SCMH1: variants seen among roughly 807,000 people sequenced by gnomAD.
SCMH1 encodes the protein Scm polycomb group protein homolog 1.
SCMH1 carries 37 observed loss-of-function variants against 70.8 expected under a neutral mutation model. The observed-to-expected ratio is 0.52, with a 90% CI of 0.40 to 0.69. SCMH1 has a LOEUF of 0.69. Ranked by LOEUF, SCMH1 falls within the 30% of genes least tolerant of loss-of-function variation. SCMH1 has a pLI of 0.00. For missense variants in SCMH1, 607 were observed against 827.3 expected (o/e 0.73, Z 3.27); for synonymous variants, 292 against 307.4 (o/e 0.95, Z 0.52).
At chr1:41,214,985 T>G (rs1657796628) in intron 1 of SCMH1, among the ~76,000 whole-genome samples, 1 of 152,190 alleles carries the variant, frequency 6.6e-6, no homozygotes, top group Non-Finnish European at 1.5e-5. Flanking sequence ...AAACAGAATT[T>G]GAAATATAAC....
At chr1:41,230,790 A>T (rs1661153370) in intron 1 of SCMH1, among the ~76,000 whole-genome samples, 1 of 152,186 alleles carries the variant, frequency 6.6e-6, no homozygotes, top group Admixed American at 6.5e-5. Flanking sequence ...CTTTTAGAAA[A>T]TATTAATTCC....
intron 5 of SCMH1, among the ~76,000 whole-genome samples, chr1:41,143,659 AAACC>A: frequency 6.6e-6 from 1 of 152,226 alleles, no homozygotes; most frequent in South Asian, 2.1e-4. Context: ...TACACCATAT[AAACC>A]TGTGAAAGTA....
exon 15 of SCMH1, chr1:41,027,918 C>T: frequency 2.3e-6 from 1 of 427,118 alleles, no homozygotes. Context: ...GGTGAGAGGC[C>T]AGCCAGGGTT....
chr1:41,132,741 G>A (rs1369069575), intron 6 of SCMH1, among the ~76,000 whole-genome samples: 1 of 151,994 alleles, frequency 6.6e-6, no homozygotes, highest in Non-Finnish European at 1.5e-5. Flanking sequence ...AAGGAGTCCA[G>A]TTTCAGGTTT....
At chr1:41,177,208 A>G (rs1337086724) in intron 2 of SCMH1, among the ~76,000 whole-genome samples, 1 of 152,254 alleles carries the variant, frequency 6.6e-6, no homozygotes, top group Non-Finnish European at 1.5e-5. Flanking sequence ...ACTAACAAAC[A>G]GAAAGGACAT....
chr1:41,046,316 C>A, intron 12 of SCMH1, 91 bp downstream of exon 12: 1 of 1,101,924 alleles, frequency 9.1e-7, no homozygotes, highest in Non-Finnish European at 1.3e-6. Flanking sequence ...GGTGCCAGGC[C>A]AGTAGTTCTG....
At chr1:41,097,550 C>G (rs1665435705) in intron 8 of SCMH1, among the ~76,000 whole-genome samples, 1 of 152,266 alleles carries the variant, frequency 6.6e-6, no homozygotes, top group Non-Finnish European at 1.5e-5. Context: ...TTCACTGTAG[C>G]CTCAAACTCC....
At chr1:41,206,080 T>C (rs1655472685) in intron 1 of SCMH1, among the ~76,000 whole-genome samples, 1 of 152,006 alleles carries the variant, frequency 6.6e-6, no homozygotes, top group African/African-American at 2.4e-5. Context: ...ACCACAAAGA[T>C]GGTGAGAAAC....
chr1:41,080,974 T>C (rs554102756), intron 8 of SCMH1, among the ~76,000 whole-genome samples: 1 of 152,286 alleles, frequency 6.6e-6, no homozygotes, highest in East Asian at 1.9e-4. Context: ...GAAGCATTAC[T>C]TGTACGTGAC....
At chr1:41,085,786 T>C (rs1298410604) in intron 8 of SCMH1, among the ~76,000 whole-genome samples, 1 of 151,696 alleles carries the variant, frequency 6.6e-6, no homozygotes, top group East Asian at 1.9e-4. Context: ...ATTGAAATGA[T>C]AATGTTTTGG....
At chr1:41,208,354 C>G (rs1656097450) in intron 1 of SCMH1, among the ~76,000 whole-genome samples, 1 of 136,102 alleles carries the variant, frequency 7.3e-6, no homozygotes, top group Admixed American at 7.4e-5. Flanking sequence ...TGCAGCGCAC[C>G]AGCATGGCAC....
Position 41,142,861 on chromosome 1 carries a change from T to C in SCMH1, c.412+17A>G. On this transcript the variant is annotated intron_variant, in intron 6 of 14. Transcript: ENST00000337495. Reference sequence around the variant, plus strand: ...TATTAATAATTGGCTAGAAAGAGTTTGGGTTTACTTACTCACCAAGAGGTG... The same window carrying C: ...TATTAATAATTGGCTAGAAAGAGTTCGGGTTTACTTACTCACCAAGAGGTG... The C allele has an allele frequency of 6.3e-7, 1 of 1,592,388 alleles. No homozygotes were observed. The highest frequency in any genetic ancestry group is 8.6e-7 in the Non-Finnish European group (1 of 1,160,316).
At chr1:41,134,571 CAA>C (rs1390740668) in intron 6 of SCMH1, among the ~76,000 whole-genome samples, 2 of 152,220 alleles carry the variant, frequency 1.3e-5, no homozygotes, top group Admixed American at 1.3e-4. Context: ...GCAACTTCAG[CAA>C]AGTCTCAGGA....
intron 2 of SCMH1, among the ~76,000 whole-genome samples, chr1:41,165,903 T>G (rs1380379363): frequency 3.3e-5 from 5 of 152,154 alleles, no homozygotes; most frequent in Admixed American, 6.5e-5. Flanking sequence ...ATTTGTCTAT[T>G]TTTGCTTTTA....
chr1:41,225,916 AAACAT>A, intron 1 of SCMH1, among the ~76,000 whole-genome samples: 2 of 152,282 alleles, frequency 1.3e-5, no homozygotes, highest in Middle Eastern at 3.4e-3. Flanking sequence ...TTGTTAGGTA[AAACAT>A]AACAATAATA....
At chr1:41,117,993 T>C (rs745743473) in intron 6 of SCMH1, among the ~76,000 whole-genome samples, 2 of 152,122 alleles carry the variant, frequency 1.3e-5, no homozygotes, top group East Asian at 3.9e-4. Flanking sequence ...CTCTTCGTCT[T>C]GTGTCTTTAT....
At chr1:41,070,550 T>G in intron 10 of SCMH1, 45 bp downstream of exon 10, 4 of 1,608,778 alleles carry the variant, frequency 2.5e-6, no homozygotes. Context: ...GTGCAAACAC[T>G]AGGTCTGGGG....
At chr1:41,076,985 GA>G (rs755813636) in intron 8 of SCMH1, among the ~76,000 whole-genome samples, 2 of 152,184 alleles carry the variant, frequency 1.3e-5, no homozygotes, top group Non-Finnish European at 2.9e-5. Flanking sequence ...GACGAGAGTA[GA>G]ATTAGGGAGA....
At chr1:41,125,655 C>T (rs1005720949) in intron 6 of SCMH1, among the ~76,000 whole-genome samples, 1 of 151,984 alleles carries the variant, frequency 6.6e-6, no homozygotes, top group Admixed American at 6.6e-5. Context: ...TCACTGCAGC[C>T]TCGACCTCCC....
Sources: allele counts gnomAD v4.1 joint callset (sites outside exome capture counted in the v4.1 genomes callset), GRCh38; gene constraint gnomAD v4.1.1; transcripts MANE v1.5; gene names NCBI Gene and HGNC (gene_info 2026-07-23, HGNC 2026-07-21).